Variants in ECPAS observed in about 807,000 individuals in gnomAD.
ECPAS encodes proteasome adapter and scaffold protein ECM29.
A neutral mutation model predicts 255.1 loss-of-function variants in ECPAS; 70 were observed. The ratio of observed to expected loss-of-function variants is 0.27; its 90% CI spans 0.23 to 0.33. The LOEUF (loss-of-function observed/expected upper bound fraction) is 0.33, where lower values mean the gene tolerates loss of function less well. Among genes scored for constraint, ECPAS ranks in the 10% least tolerant of loss-of-function variants. The pLI is 1.00. For synonymous variants in ECPAS, 784 were observed against 775.0 expected, an observed-to-expected ratio of 1.01 and a Z score of -0.19; for missense variants, 1,817 against 2,206.4, an observed-to-expected ratio of 0.82 and a Z score of 3.54.
intron 1 of ECPAS, among the ~76,000 whole-genome samples, chr9:111,480,636 C>T (rs893416057): frequency 1.3e-5 from 2 of 152,010 alleles, no homozygotes; most frequent in East Asian, 3.8e-4. Flanking sequence ...TTTATTATAC[C>T]CATTCTAAAA....
intron 16 of ECPAS, 107 bp downstream of exon 16, chr9:111,419,910 T>C (rs2098210712): frequency 6.5e-6 from 5 of 771,290 alleles, no homozygotes; most frequent in Non-Finnish European, 1.1e-5. Flanking sequence ...CTTTAATAAA[T>C]AGCTTCTAAA....
intron 35 of ECPAS, among the ~76,000 whole-genome samples, chr9:111,381,037 T>C (rs746456875): frequency 3.3e-5 from 5 of 152,254 alleles, no homozygotes; most frequent in Admixed American, 1.3e-4. Flanking sequence ...TTGGCTAACA[T>C]AGCACTTTAA....
chr9:111,427,168 A>AC (rs2098223018), intron 10 of ECPAS, among the ~76,000 whole-genome samples: 1 of 150,434 alleles, frequency 6.6e-6, no homozygotes, highest in South Asian at 2.1e-4. Flanking sequence ...CAGAAAAAAA[A>AC]AAAAAGCAAT....
chr9:111,407,426 A>AAAAAAAAAAAAAC, intron 24 of ECPAS, among the ~76,000 whole-genome samples: 1 of 143,742 alleles, frequency 7.0e-6, no homozygotes, highest in Non-Finnish European at 1.5e-5. Context: ...AAAAAAAAAA[A>AAAAAAAAAAAAAC]AAAAAAAAAA....
intron 25 of ECPAS, among the ~76,000 whole-genome samples, chr9:111,394,842 A>G (rs991912609): frequency 1.3e-5 from 2 of 152,160 alleles, no homozygotes; most frequent in Non-Finnish European, 2.9e-5. Flanking sequence ...CCAAGTGTCT[A>G]GGGGGAAAAA....
At chr9:111,478,416 A>T (rs1469187651) in intron 1 of ECPAS, among the ~76,000 whole-genome samples, 2 of 152,022 alleles carry the variant, frequency 1.3e-5, no homozygotes, top group Non-Finnish European at 2.9e-5. Flanking sequence ...AATCCCAGCT[A>T]CTCAGGAGGC....
At chr9:111,451,400 C>G in intron 3 of ECPAS, 25 bp downstream of exon 3, 1 of 1,552,066 alleles carries the variant, frequency 6.4e-7, no homozygotes, top group Non-Finnish European at 8.7e-7. Flanking sequence ...TCATTTAATT[C>G]CCCCAGCTGT....
At chr9:111,400,849 A>T (rs57922796) in intron 24 of ECPAS, among the ~76,000 whole-genome samples, 8,483 of 152,290 alleles carry the variant, frequency 0.056, 573 homozygotes, top group African/African-American at 0.15. Flanking sequence ...TAGAAAGTTT[A>T]TTCAAAGAAA....
intron 48 of ECPAS, chr9:111,365,944 C>A: frequency 2.9e-6 from 1 of 346,116 alleles, no homozygotes; most frequent in Non-Finnish European, 5.3e-6. Flanking sequence ...ATACATATTG[C>A]AGAGTATTAC....
intron 9 of ECPAS, 87 bp from the exon 10 acceptor site, chr9:111,428,248 C>T: frequency 7.6e-7 from 1 of 1,317,540 alleles, no homozygotes; most frequent in Admixed American, 2.5e-5. Flanking sequence ...AATCAGTGGT[C>T]TCTCAAACTT....
intron 24 of ECPAS, among the ~76,000 whole-genome samples, chr9:111,399,863 G>A (rs963078626): frequency 2.0e-5 from 3 of 152,236 alleles, no homozygotes; most frequent in African/African-American, 7.2e-5. Context: ...TCCAACACCT[G>A]CTGACTAAAG....
chr9:111,427,261 A>C (rs1397302361), intron 10 of ECPAS, among the ~76,000 whole-genome samples: 1 of 152,216 alleles, frequency 6.6e-6, no homozygotes, highest in East Asian at 1.9e-4. Flanking sequence ...CAAAACAAGA[A>C]GTAATAGTTT....
In ECPAS at chr9:111,370,479, T is replaced by C. The variant is rs756863882; in HGVS notation, c.4930A>G (p.Arg1644Gly). The C allele has an allele frequency of 1.2e-6, 2 of 1,610,222 alleles. No homozygotes were observed. The highest frequency in any genetic ancestry group is 1.7e-6 in the Non-Finnish European group (2 of 1,178,244). ...ACAATGTTAGAGAACTCCTGGAATCTGTCCTCTTTGGTGGCCTTCAAGATA... is the reference window on the plus strand; with the variant it reads ...ACAATGTTAGAGAACTCCTGGAATCCGTCCTCTTTGGTGGCCTTCAAGATA... ...ADILKATKED[R>G]FQEFSNIVIP... The change falls in exon 45 of 50, where the codon AGA becomes GGA. Residue 1644 changes from arginine to glycine, a missense_variant. This residue lies in a region of ECPAS where 960 missense variants were observed against 1,179.0 expected (regional missense o/e 0.81). Coordinates refer to ENST00000684092, the MANE Select transcript of ECPAS (RefSeq NM_001364929.1).
At chr9:111,442,268 C>A in intron 5 of ECPAS, 38 bp downstream of exon 5, 2 of 1,352,618 alleles carry the variant, frequency 1.5e-6, no homozygotes, top group East Asian at 2.4e-5. Context: ...GTTGTTGACT[C>A]CTGTAGGAGG....
intron 12 of ECPAS, 92 bp from the exon 13 acceptor site, chr9:111,423,340 T>C: frequency 1.2e-6 from 1 of 830,600 alleles, no homozygotes. Context: ...TTCGCTGCAA[T>C]TACATGCATT....
chr9:111,397,683 T>C (rs2098169704), intron 24 of ECPAS, among the ~76,000 whole-genome samples: 1 of 152,230 alleles, frequency 6.6e-6, no homozygotes, highest in Non-Finnish European at 1.5e-5. Context: ...ATAGTAGCCA[T>C]TATATTTTAT....
intron 2 of ECPAS, among the ~76,000 whole-genome samples, chr9:111,464,473 C>A (rs559636805): frequency 6.7e-6 from 1 of 149,832 alleles, no homozygotes; most frequent in East Asian, 1.9e-4. Context: ...AAGAGACAAG[C>A]ACAAGGACAC....
chr9:111,451,989 T>C (rs538596457), intron 2 of ECPAS, among the ~76,000 whole-genome samples: 1 of 152,300 alleles, frequency 6.6e-6, no homozygotes, highest in African/African-American at 2.4e-5. Flanking sequence ...TCACTGCCCA[T>C]TACTGTATTA....
Position 111,444,363 on chromosome 9 carries a change from C to T in ECPAS, c.270+15G>A. 6.5e-7 allele frequency: 1 copy of T among 1,542,590 alleles called. No individual in the cohort carries two copies. The highest frequency in any genetic ancestry group is 1.4e-5 in the African/African-American group (1 of 72,824). ...ATTTGCTGTAAGTCAGAAAATATTCCAATACAACACTCACTGTGACAAAGG... is the reference window on the plus strand; with the variant it reads ...ATTTGCTGTAAGTCAGAAAATATTCTAATACAACACTCACTGTGACAAAGG... On this transcript the variant is annotated intron_variant, in intron 4 of 49. Coordinates refer to ENST00000684092, the MANE Select transcript of ECPAS (RefSeq NM_001364929.1).
Sources: gnomAD v4.1 joint callset for allele counts (sites outside exome capture counted in the v4.1 genomes callset) on GRCh38, gnomAD v4.1.1 for gene constraint, gnomAD v4.1.1 regional missense constraint, MANE v1.5 for transcripts, NCBI Gene and HGNC (gene_info 2026-07-23, HGNC 2026-07-21) for gene names.